Variants in SH3TC2 observed in about 807,000 individuals in gnomAD.
SH3TC2 encodes the protein SH3 domain and tetratricopeptide repeats 2, also known as SH3 domain and tetratricopeptide repeat-containing protein 2.
Under a neutral mutation model 124.5 loss-of-function variants are expected in SH3TC2, and 87 were observed. The ratio of observed to expected loss-of-function variants is 0.70; its 90% CI spans 0.59 to 0.84. The LOEUF (loss-of-function observed/expected upper bound fraction) is 0.84. SH3TC2 is among the 40% of genes least tolerant of loss of function. The pLI, the probability that SH3TC2 is intolerant of heterozygous loss-of-function variation, is 0.00. For missense variants in SH3TC2, 1,536 were observed against 1,566.4 expected, an observed-to-expected ratio of 0.98 and a Z score of 0.33; for synonymous variants, 634 against 628.5, an observed-to-expected ratio of 1.01 and a Z score of -0.13.
chr5:149,042,512 G>A (rs867527123), intron 5 of SH3TC2, among the ~76,000 whole-genome samples, 182 bp downstream of exon 5: 1 of 152,288 alleles, frequency 6.6e-6, no homozygotes, highest in South Asian at 2.1e-4. Context: ...CAGCACAGCT[G>A]TTCGTGTAAT....
At position 148,987,707 on chromosome 5, in the gene SH3TC2, A is replaced by C. The variant is rs1474792718; in HGVS notation, c.*17004T>G. 6.6e-6 allele frequency among the ~76,000 whole-genome samples: 1 copy of C among 152,222 alleles called. No homozygotes were observed. Among genetic ancestry groups the C allele is most frequent in the Non-Finnish European group, 1.5e-5 (1 of 68,038 alleles). On this transcript the variant is annotated 3_prime_UTR_variant, in exon 17 of 17. Transcript: ENST00000515425. ...GTGGAGTGATTCAGTGAAGATCATCAGATTAAGACTGAGAAGAACAAAGCT... is the reference window on the plus strand; with the variant it reads ...GTGGAGTGATTCAGTGAAGATCATCCGATTAAGACTGAGAAGAACAAAGCT...
chr5:149,026,811 G>C (rs376815272), intron 11 of SH3TC2, 49 bp downstream of exon 11: 3 of 1,614,144 alleles, frequency 1.9e-6, no homozygotes, highest in Non-Finnish European at 2.5e-6. Context: ...GATAAAACTT[G>C]ATCCAACACT....
rs772265908 is a variant in SH3TC2 at position 149,004,351 on chromosome 5, G to A, written c.*360C>T. 5.0e-5 allele frequency: 14 copies of A among 278,872 alleles called. No homozygotes were observed. The highest frequency in any genetic ancestry group is 7.5e-5 in the Non-Finnish European group (11 of 146,122). The allele number at this position is 278,872 out of a possible 1,614,324, so 17.3% of individuals were successfully genotyped here. On this transcript the variant is annotated 3_prime_UTR_variant, in exon 17 of 17. Transcript: ENST00000515425. The stretch of plus-strand genomic sequence containing the variant: ...CCAATCTGCTTGCCTTTGCACCAGT[G>A]CAGTGACTGATTTCCTCATTGGGGG...
chr5:149,045,590 C>T (rs1329616891), intron 3 of SH3TC2: 1 of 152,074 alleles, frequency 6.6e-6, no homozygotes, highest in Non-Finnish European at 1.5e-5. Flanking sequence ...AATTTACATG[C>T]TCACAAGGAG....
intron 8 of SH3TC2, among the ~76,000 whole-genome samples, chr5:149,034,851 T>C (rs948946982): frequency 2.0e-5 from 3 of 152,168 alleles, no homozygotes; most frequent in Admixed American, 6.5e-5. Context: ...CCTGGCAACA[T>C]GGATTTGCAA....
At position 149,026,847 on chromosome 5, in the gene SH3TC2, G is replaced by A. The variant is rs1424568850; in HGVS notation, c.2872+13C>T. 3.7e-6 allele frequency: 6 copies of A among 1,614,056 alleles called. No homozygotes were observed. Among genetic ancestry groups the A allele is most frequent in the Non-Finnish European group, 4.2e-6 (5 of 1,180,044 alleles). ...TTTCTCTATAGCTTCCCAGCAGCATGGGACATACTTACTCTTTAGATGTCG... is the reference window on the plus strand; with the variant it reads ...TTTCTCTATAGCTTCCCAGCAGCATAGGACATACTTACTCTTTAGATGTCG... On this transcript the variant is annotated intron_variant, in intron 11 of 16. Transcript: ENST00000515425.
chr5:149,020,003 G>A (rs922272408), intron 12 of SH3TC2, among the ~76,000 whole-genome samples: 4 of 152,108 alleles, frequency 2.6e-5, no homozygotes, highest in African/African-American at 9.7e-5. Flanking sequence ...CTCACTCAGC[G>A]CAGAACAGCC....
At chr5:149,048,029 G>C (rs761143781) in intron 2 of SH3TC2, 40 bp from the exon 3 acceptor site, 119 of 1,611,822 alleles carry the variant, frequency 7.4e-5, no homozygotes, top group Non-Finnish European at 5.8e-5. Flanking sequence ...GCTGAAAATA[G>C]AATAAAAAGG....
intron 12 of SH3TC2, among the ~76,000 whole-genome samples, chr5:149,017,340 C>T (rs1293050600): frequency 1.3e-5 from 2 of 152,162 alleles, no homozygotes; most frequent in African/African-American, 4.8e-5. Flanking sequence ...GAAGACAAGA[C>T]TCCCTAAGAT....
At chr5:149,007,519 G>T in intron 15 of SH3TC2, 1 of 298,782 alleles carries the variant, frequency 3.3e-6, no homozygotes, top group Non-Finnish European at 6.3e-6. Flanking sequence ...AAATCACTCT[G>T]TATAATAAAT....
In SH3TC2 at chr5:149,026,843, G is replaced by C. The variant is rs1754072608; in HGVS notation, c.2872+17C>G. On this transcript the variant is annotated intron_variant, in intron 11 of 16. Coordinates refer to ENST00000515425, the MANE Select transcript of SH3TC2 (RefSeq NM_024577.4). ...CACTTTTCTCTATAGCTTCCCAGCA[G>C]CATGGGACATACTTACTCTTTAGAT... 1 of 1,614,068 alleles carries C rather than the reference G, an allele frequency of 6.2e-7. No homozygotes were observed. The highest frequency in any genetic ancestry group is 8.5e-7 in the Non-Finnish European group (1 of 1,180,030).
chr5:149,042,234 A>G (rs1754383881), intron 5 of SH3TC2, among the ~76,000 whole-genome samples: 1 of 152,188 alleles, frequency 6.6e-6, no homozygotes, highest in South Asian at 2.1e-4. Flanking sequence ...AGGTGCTCCA[A>G]GAGGTTCCTC....
rs2127388714 is a variant in SH3TC2, at chr5:148,993,655, C to T, written c.*11056G>A. 6.6e-6 allele frequency among the ~76,000 whole-genome samples: 1 copy of T among 152,244 alleles called. No homozygotes were observed. The highest frequency in any genetic ancestry group is 1.9e-4 in the East Asian group (1 of 5,186). ...AATGACAGTTCCAATAAAGGGAGGT[C>T]ACAACTTCCTGTGACTGTGCTTGGT... On this transcript the variant is annotated 3_prime_UTR_variant, in exon 17 of 17. Transcript: ENST00000515425.
chr5:149,038,433 T>C lies in SH3TC2; in HGVS notation c.863A>G (p.Asn288Ser). The C allele has an allele frequency of 6.2e-7, 1 of 1,614,112 alleles. No individual in the cohort carries two copies. Among genetic ancestry groups the C allele is most frequent in the Non-Finnish European group, 8.5e-7 (1 of 1,179,998 alleles). Residue 288 changes from asparagine (N) to serine (S), a missense_variant, in exon 8 of 17, where the codon AAT becomes AGT. Transcript: ENST00000515425. ...CTCAATGCTTTCTCCCTGGTAGAAA[T>C]TCAGTTCATCCTTTTCTCCTGGCTC... ...GYEPGEKDEL[N>S]FYQGESIEII...
At position 149,004,936 on chromosome 5, in the gene SH3TC2, G is replaced by A. The variant is rs377041886; in HGVS notation, c.3676-34C>T. 643 of 1,612,100 alleles carry A rather than the reference G, an allele frequency of 4.0e-4. 1 individual carries two copies. The highest frequency in any genetic ancestry group is 5.1e-4 in the Non-Finnish European group (603 of 1,178,400). ...GTGGTATGGGGGCAAAGAAGAGACA[G>A]CATTAGCAAACACTTCCAGGACAGG... On this transcript the variant is annotated intron_variant, in intron 16 of 16. Coordinates refer to ENST00000515425, the MANE Select transcript of SH3TC2 (RefSeq NM_024577.4).
intron 2 of SH3TC2, among the ~76,000 whole-genome samples, chr5:149,048,863 T>A (rs1754510383): frequency 6.6e-6 from 1 of 152,212 alleles, no homozygotes; most frequent in South Asian, 2.1e-4. Flanking sequence ...AGGAGGTTCA[T>A]CGTATAATTG....
chr5:149,026,084 C>T (rs912335746), intron 12 of SH3TC2: 1 of 157,198 alleles, frequency 6.4e-6, no homozygotes, highest in African/African-American at 2.4e-5. Flanking sequence ...CCCCTGCTTT[C>T]AGTGGGGGTG....
rs1445057048 is a variant in SH3TC2, at chr5:148,985,620, A to G, written c.*19091T>C. ...TTTATCCATTTCCCAGTTTGAAGAC[A>G]TTGGGTTGTTCCAATTTCTGGCAAC... On this transcript the variant is annotated 3_prime_UTR_variant, in exon 17 of 17. Transcript: ENST00000515425. Among the ~76,000 whole-genome samples, 1 of 152,180 alleles carries G rather than the reference A, an allele frequency of 6.6e-6. No homozygotes were observed. Among genetic ancestry groups the G allele is most frequent in the Non-Finnish European group, 1.5e-5 (1 of 68,018 alleles).
rs760150466 is a variant in SH3TC2, at chr5:149,041,544, G to A, written c.603C>T (p.Cys201=). ...TCTTCACTGAGATTAACTCATTCTT[G>A]CAAAGTGTCAAGCATTCCCCTTCCT... is the stretch of plus-strand genomic sequence containing the variant. ...AEKEGECLTL[C]KNELISVKMA... is the part of the protein sequence containing the mutation. The change falls in exon 6 of 17, where the codon TGC becomes TGT. Residue 201 remains cysteine, a synonymous_variant. Coordinates refer to ENST00000515425, the MANE Select transcript of SH3TC2 (RefSeq NM_024577.4). The A allele has an allele frequency of 2.5e-6, 4 of 1,614,168 alleles. No homozygotes were observed. Among genetic ancestry groups the A allele is most frequent in the South Asian group, 2.2e-5 (2 of 91,074 alleles).
Sources: allele counts gnomAD v4.1 joint callset (sites outside exome capture counted in the v4.1 genomes callset), GRCh38; gene constraint gnomAD v4.1.1; transcripts MANE v1.5; gene names NCBI Gene and HGNC (gene_info 2026-07-23, HGNC 2026-07-21).